VIL1: variants seen among roughly 807,000 people sequenced by gnomAD.
VIL1 encodes villin-1.
VIL1 carries 86 observed loss-of-function variants against 104.0 expected under a neutral mutation model. That is an observed-to-expected ratio of 0.83 (90% CI 0.69 to 0.99). The LOEUF is 0.99. Ranked by LOEUF, VIL1 falls within the 50% of genes least tolerant of loss-of-function variation. The pLI is 0.00. For synonymous variants in VIL1, 394 were observed against 412.6 expected (o/e 0.95, Z 0.55); for missense variants, 944 against 1,054.1 (o/e 0.90, Z 1.45).
rs1156354412 is a variant in VIL1 at position 218,432,874 on chromosome 2, G to T, written c.1423G>T (p.Val475Phe). 5 of 1,614,218 alleles carry T rather than the reference G, an allele frequency of 3.1e-6. No individual in the cohort carries two copies. The highest frequency in any genetic ancestry group is 4.2e-6 in the Non-Finnish European group (5 of 1,180,034). Reference protein sequence around the residue: ...ILDQKYNGEPVQIRVPMGKEP... With the variant: ...ILDQKYNGEPFQIRVPMGKEP... ...GGACCAGAAGTACAATGGTGAACCA[G>T]TCCAGATCCGGGTCCCAATGGGCAA... The change falls in exon 13 of 20, where the codon GTC (valine) becomes TTC (phenylalanine). Residue 475 changes from valine to phenylalanine, a missense_variant. By Grantham distance (50) the Val-to-Phe change is conservative (BLOSUM62 -1). Transcript: ENST00000248444.
intron 13 of VIL1, among the ~76,000 whole-genome samples, chr2:218,433,207 G>A (rs759987429): frequency 1.4e-4 from 21 of 152,144 alleles, no homozygotes; most frequent in Non-Finnish European, 2.4e-4. Flanking sequence ...GGGCTGAGGC[G>A]GGTGGATCAC....
chr2:218,441,076 G>C (rs550138491), intron 19 of VIL1, among the ~76,000 whole-genome samples: 58 of 152,272 alleles, frequency 3.8e-4, no homozygotes, highest in African/African-American at 1.4e-3. Context: ...GAAAGGTGAA[G>C]TACAGGAGCT....
intron 4 of VIL1, among the ~76,000 whole-genome samples, chr2:218,426,908 A>G (rs1395905917): frequency 5.9e-5 from 9 of 152,012 alleles, no homozygotes; most frequent in Admixed American, 2.0e-4. Context: ...GGCCAGCACT[A>G]ATTTTTTAAT....
intron 19 of VIL1, among the ~76,000 whole-genome samples, chr2:218,448,342 A>C (rs1684242778): frequency 6.6e-6 from 1 of 152,164 alleles, no homozygotes; most frequent in African/African-American, 2.4e-5. Context: ...AGGCGGGCAG[A>C]TCACTTGAGG....
rs997103374 is a variant in VIL1, at chr2:218,452,005, A to G, written c.*2669A>G. ...CCTACGAAACAGTCTATCTTCTCATAGGCTTAAATTATAGTCATGGCTATT... is the reference window on the plus strand; with the variant it reads ...CCTACGAAACAGTCTATCTTCTCATGGGCTTAAATTATAGTCATGGCTATT... On this transcript the variant is annotated 3_prime_UTR_variant, in exon 20 of 20. Coordinates refer to ENST00000248444, the MANE Select transcript of VIL1 (RefSeq NM_007127.3). The G allele has an allele frequency of 6.6e-6, 1 of 152,640 alleles. No individual in the cohort carries two copies. Among genetic ancestry groups the G allele is most frequent in the African/African-American group, 2.4e-5 (1 of 41,452 alleles). 9.5% of individuals were successfully genotyped at this position (152,640 alleles called of 1,614,324 possible). A position where few individuals can be genotyped will look rare whatever the true frequency, so the allele number is the denominator to read the frequency against.
intron 1 of VIL1, among the ~76,000 whole-genome samples, chr2:218,423,018 A>T (rs998445061): frequency 6.6e-6 from 1 of 152,154 alleles, no homozygotes; most frequent in Non-Finnish European, 1.5e-5. Flanking sequence ...AATCAGAATC[A>T]CCAGAGCCTG....
At chr2:218,432,723 C>G in intron 12 of VIL1, 70 bp from the exon 13 acceptor site, 1 of 1,588,610 alleles carries the variant, frequency 6.3e-7, no homozygotes, top group Non-Finnish European at 8.6e-7. Context: ...GGAGTTGTTG[C>G]TGAGGCTGAG....
At position 218,434,614 on chromosome 2, in the gene VIL1, C is replaced by G. The variant is rs1689155981; in HGVS notation, c.1589C>G (p.Ala530Gly). The change falls in exon 14 of 20, where the codon GCC becomes GGC. Residue 530 changes from alanine (A) to glycine (G), a missense_variant. Transcript: ENST00000248444. ...VQGTGANNTK[A>G]FEVPARANFL... ...GGAACTGGCGCCAACAACACCAAGG[C>G]CTTTGAGGTCCCAGCGCGGGCCAAT... The G allele has an allele frequency of 1.9e-6, 3 of 1,614,050 alleles. No homozygotes were observed. Among genetic ancestry groups the G allele is most frequent in the African/African-American group, 1.3e-5 (1 of 74,916 alleles).
At chr2:218,425,335 C>T (rs1374482745) in intron 3 of VIL1, among the ~76,000 whole-genome samples, 1 of 152,210 alleles carries the variant, frequency 6.6e-6, no homozygotes, top group Non-Finnish European at 1.5e-5. Context: ...CTTGCCTCGA[C>T]CTCCCAAAGT....
At chr2:218,425,570 T>G in intron 3 of VIL1, 45 bp from the exon 4 acceptor site, 1 of 1,601,462 alleles carries the variant, frequency 6.2e-7, no homozygotes, top group South Asian at 1.1e-5. Context: ...CTGGAGGGGC[T>G]GTGGGAGCCC....
Position 218,438,743 on chromosome 2 carries a change from G to A in VIL1, c.2229+17G>A, listed in dbSNP as rs1316625885. The A allele has an allele frequency of 1.9e-6, 3 of 1,606,498 alleles. No homozygotes were observed. Among genetic ancestry groups the A allele is most frequent in the Non-Finnish European group, 2.5e-6 (3 of 1,177,712 alleles). On this transcript the variant is annotated intron_variant, in intron 18 of 19. Transcript: ENST00000248444. ...ATCACTGCTGTGAGTCCGGGGCGGGGTGGCTGGGCCCTGCAGTGGCCAGCT... is the reference window on the plus strand; with the variant it reads ...ATCACTGCTGTGAGTCCGGGGCGGGATGGCTGGGCCCTGCAGTGGCCAGCT...
intron 5 of VIL1, 63 bp downstream of exon 5, chr2:218,428,136 G>A (rs1689035130): frequency 6.3e-7 from 1 of 1,595,956 alleles, no homozygotes; most frequent in Non-Finnish European, 8.6e-7. Flanking sequence ...GGCAGGGGCT[G>A]AGGAGGGGTG....
chr2:218,430,348 G>A (rs574869211), intron 9 of VIL1, among the ~76,000 whole-genome samples: 18 of 152,324 alleles, frequency 1.2e-4, no homozygotes, highest in South Asian at 1.0e-3. Flanking sequence ...GGCTGGAGTC[G>A]TAACCCTAAC....
At chr2:218,438,622 G>T (rs778589173) in intron 17 of VIL1, 36 bp from the exon 18 acceptor site, 36 of 1,590,208 alleles carry the variant, frequency 2.3e-5, no homozygotes, top group Admixed American at 9.0e-5. Flanking sequence ...CCTCTGCTGA[G>T]ATCCAGGTCT....
rs773482323 is a variant in VIL1 at position 218,431,926 on chromosome 2, A to C, written c.1172A>C (p.Lys391Thr). The change falls in exon 11 of 20, where the codon AAG becomes ACG. Residue 391 changes from lysine (K) to threonine (T), a missense_variant. Physicochemically the swap from Lys to Thr is moderately conservative, Grantham distance 78 (BLOSUM62 -1). Transcript: ENST00000248444. ...HVKPQVAAQQ[K>T]MVDDGSGEVQ... is the part of the protein sequence containing the mutation. ...AAGCCTCAGGTGGCTGCCCAGCAGAAGATGGTAGATGATGGGAGTGGGGAA... is the reference window on the plus strand; with the variant it reads ...AAGCCTCAGGTGGCTGCCCAGCAGACGATGGTAGATGATGGGAGTGGGGAA... 5 of 1,613,974 alleles carry C rather than the reference A, an allele frequency of 3.1e-6. No individual in the cohort carries two copies. The highest frequency in any genetic ancestry group is 4.2e-6 in the Non-Finnish European group (5 of 1,180,004).
chr2:218,440,614 A>G, intron 18 of VIL1, 108 bp from the exon 19 acceptor site: 1 of 1,378,568 alleles, frequency 7.3e-7, no homozygotes, highest in South Asian at 1.3e-5. Context: ...GGGGTGGGAC[A>G]TGGGAGGCTT....
chr2:218,420,298 G>A (rs1363952401), intron 1 of VIL1, among the ~76,000 whole-genome samples: 1 of 151,842 alleles, frequency 6.6e-6, no homozygotes, highest in East Asian at 2.0e-4. Flanking sequence ...GTGTGCTCGC[G>A]CACGCCTATA....
intron 13 of VIL1, 78 bp downstream of exon 13, chr2:218,433,029 G>C: frequency 6.3e-7 from 1 of 1,575,018 alleles, no homozygotes; most frequent in Non-Finnish European, 8.7e-7. Context: ...AAGGGGATGG[G>C]TGGTGGGAGC....
chr2:218,452,008 C>T lies in VIL1; in HGVS notation c.*2672C>T, dbSNP rs1689497680. ...ACGAAACAGTCTATCTTCTCATAGGCTTAAATTATAGTCATGGCTATTAAA... is the reference window on the plus strand; with the variant it reads ...ACGAAACAGTCTATCTTCTCATAGGTTTAAATTATAGTCATGGCTATTAAA... On this transcript the variant is annotated 3_prime_UTR_variant, in exon 20 of 20. Coordinates refer to ENST00000248444, the MANE Select transcript of VIL1 (RefSeq NM_007127.3). 6.6e-6 allele frequency: 1 copy of T among 152,586 alleles called. No individual in the cohort carries two copies. Among genetic ancestry groups the T allele is most frequent in the African/African-American group, 2.4e-5 (1 of 41,426 alleles). 9.5% of individuals were successfully genotyped at this position (152,586 alleles called of 1,614,324 possible). A position where few individuals can be genotyped will look rare whatever the true frequency, so the allele number is the denominator to read the frequency against.
Sources: gnomAD v4.1 joint callset for allele counts (sites outside exome capture counted in the v4.1 genomes callset) on GRCh38, gnomAD v4.1.1 for gene constraint, MANE v1.5 for transcripts, NCBI Gene and HGNC (gene_info 2026-07-23, HGNC 2026-07-21) for gene names.